ARK2C: variants seen among roughly 807,000 people sequenced by gnomAD.
The protein encoded by ARK2C is E3 ubiquitin-protein ligase ARK2C.
chr18:46,380,048 C>T, the ARK2C span, among the ~76,000 whole-genome samples: 1 of 152,242 alleles, frequency 6.6e-6, no homozygotes, highest in Admixed American at 6.5e-5. Flanking sequence ...TCAAAGTTTC[C>T]CCATCCATGA....
chr18:46,360,227 A>G, the ARK2C span, among the ~76,000 whole-genome samples: 1 of 152,160 alleles, frequency 6.6e-6, no homozygotes. Flanking sequence ...TGGGGCCCTC[A>G]GTCTCCACCA....
chr18:46,388,743 G>A, the ARK2C span, among the ~76,000 whole-genome samples: 1 of 152,122 alleles, frequency 6.6e-6, no homozygotes, highest in Non-Finnish European at 1.5e-5. Context: ...TCAGAAGGTG[G>A]GCTCAGGATA....
At chr18:46,367,627 T>A in the ARK2C span, among the ~76,000 whole-genome samples, 47 of 152,304 alleles carry the variant, frequency 3.1e-4, 1 homozygote, top group Admixed American at 2.4e-3. Flanking sequence ...AAACCCACAT[T>A]GCCTAAAGCT....
chr18:46,344,119 GTATCCCTTAGAT>G, the ARK2C span, among the ~76,000 whole-genome samples: 1 of 152,212 alleles, frequency 6.6e-6, no homozygotes, highest in Non-Finnish European at 1.5e-5. Context: ...TGACGACACT[GTATCCCTTAGAT>G]CTAAGTGCTG....
At chr18:46,352,841 G>C in the ARK2C span, among the ~76,000 whole-genome samples, 1 of 152,238 alleles carries the variant, frequency 6.6e-6, no homozygotes, top group Admixed American at 6.5e-5. Flanking sequence ...TAGAAGGAGA[G>C]AACAGATAAT....
the ARK2C span, among the ~76,000 whole-genome samples, chr18:46,340,087 T>C: frequency 2.6e-5 from 4 of 152,240 alleles, no homozygotes. Context: ...TCCACAACTG[T>C]CACACAAATC....
the ARK2C span, chr18:46,456,485 T>A: frequency 6.7e-7 from 1 of 1,492,320 alleles, no homozygotes; most frequent in Non-Finnish European, 9.4e-7. Context: ...CCTCAGCTCT[T>A]GCCGGGCCTC....
the ARK2C span, among the ~76,000 whole-genome samples, chr18:46,428,832 T>G: frequency 3.3e-5 from 5 of 152,244 alleles, no homozygotes; most frequent in Non-Finnish European, 5.9e-5. Context: ...AGGTGACTAC[T>G]AGGAAATGTA....
chr18:46,365,342 T>G, the ARK2C span, among the ~76,000 whole-genome samples: 1 of 152,162 alleles, frequency 6.6e-6, no homozygotes, highest in Non-Finnish European at 1.5e-5. Flanking sequence ...GAGGTCTTTT[T>G]TGGGATGACC....
chr18:46,343,887 C>T, the ARK2C span, among the ~76,000 whole-genome samples: 1 of 152,214 alleles, frequency 6.6e-6, no homozygotes, highest in Non-Finnish European at 1.5e-5. Flanking sequence ...AACCTGGAAG[C>T]ACAGACACAG....
the ARK2C span, among the ~76,000 whole-genome samples, chr18:46,369,126 C>G: frequency 5.9e-5 from 9 of 152,202 alleles, no homozygotes; most frequent in African/African-American, 2.2e-4. Context: ...GAATCTAGAC[C>G]TCTATGATCT....
the ARK2C span, among the ~76,000 whole-genome samples, chr18:46,358,319 G>A: frequency 2.6e-5 from 4 of 152,128 alleles, no homozygotes; most frequent in African/African-American, 7.2e-5. Flanking sequence ...CAGGTACATG[G>A]GGAGCAGGGC....
chr18:46,446,114 T>G, the ARK2C span, among the ~76,000 whole-genome samples: 1 of 152,212 alleles, frequency 6.6e-6, no homozygotes, highest in Non-Finnish European at 1.5e-5. Context: ...ATAGGTGATA[T>G]TGTATTCTTC....
At chr18:46,394,191 G>A in the ARK2C span, among the ~76,000 whole-genome samples, 1 of 152,144 alleles carries the variant, frequency 6.6e-6, no homozygotes, top group African/African-American at 2.4e-5. Context: ...ATTTACACAG[G>A]GCAAAAACAA....
the ARK2C span, among the ~76,000 whole-genome samples, chr18:46,369,328 A>C: frequency 1.3e-5 from 2 of 150,682 alleles, no homozygotes; most frequent in Non-Finnish European, 3.0e-5. Flanking sequence ...CTGGAGAAGC[A>C]GGGGGATAAG....
chr18:46,415,598 T>G, the ARK2C span, among the ~76,000 whole-genome samples: 2 of 152,016 alleles, frequency 1.3e-5, no homozygotes, highest in East Asian at 3.9e-4. Context: ...CCTGGTGCAC[T>G]AGGCCCTTTA....
chr18:46,385,151 C>G, the ARK2C span, among the ~76,000 whole-genome samples: 1 of 152,200 alleles, frequency 6.6e-6, no homozygotes, highest in South Asian at 2.1e-4. Flanking sequence ...GGTGCCAGCT[C>G]TTGTCTGTTG....
At chr18:46,435,416 G>T in the ARK2C span, 1 of 1,562,030 alleles carries the variant, frequency 6.4e-7, no homozygotes. Context: ...CAGGGCCCCT[G>T]GGGGAGGAAG....
At chr18:46,445,138 T>A in the ARK2C span, among the ~76,000 whole-genome samples, 1 of 152,214 alleles carries the variant, frequency 6.6e-6, no homozygotes, top group Non-Finnish European at 1.5e-5. Context: ...TAATTGTGGA[T>A]TATACACTGT....
Sources: allele counts gnomAD v4.1 joint callset (sites outside exome capture counted in the v4.1 genomes callset), GRCh38; gene constraint gnomAD v4.1.1; transcripts MANE v1.5; gene names NCBI Gene and HGNC (gene_info 2026-07-23, HGNC 2026-07-21).